Variants in SHISA9 observed in about 807,000 individuals in gnomAD.
SHISA9 encodes the protein protein shisa-9.
In SHISA9, 13 loss-of-function variants were observed where a neutral mutation model predicts 38.0. That is an observed-to-expected ratio of 0.34 (90% CI 0.22 to 0.54). SHISA9 has a LOEUF of 0.54. Ranked by LOEUF, SHISA9 falls within the 20% of genes least tolerant of loss-of-function variation. The pLI, the probability that SHISA9 is intolerant of heterozygous loss-of-function variation, is 0.91. For missense variants in SHISA9, 538 were observed against 575.8 expected (o/e 0.93, Z 0.67); for synonymous variants, 275 against 242.0 (o/e 1.14, Z -1.27).
chr16:13,394,892 C>T, the SHISA9 span, among the ~76,000 whole-genome samples: 1 of 151,928 alleles, frequency 6.6e-6, no homozygotes, highest in African/African-American at 2.4e-5. Flanking sequence ...CTCCCTTCCT[C>T]TGCCACTGTC....
intron 2 of SHISA9, among the ~76,000 whole-genome samples, chr16:13,183,500 T>C (rs1444866182): frequency 1.3e-5 from 2 of 152,262 alleles, no homozygotes; most frequent in East Asian, 1.9e-4. Flanking sequence ...AAAATGCTTT[T>C]TCATGGTTCT....
In SHISA9 at chr16:13,218,378, C is replaced by T. The variant is rs141118142; in HGVS notation, c.895+5078C>T. The stretch of plus-strand genomic sequence containing the variant: ...GACCTAGCTTTTCCTAATCCCCCAC[C>T]CTAGATGCAATCGCAGTTTGCGACA... On this transcript the variant is annotated intron_variant, in intron 4 of 4. Transcript: ENST00000558583. Among the ~76,000 whole-genome samples, 94 of 152,298 alleles carry T rather than the reference C, an allele frequency of 6.2e-4. 1 individual carries two copies. The highest frequency in any genetic ancestry group is 2.1e-3 in the African/African-American group (89 of 41,574).
intron 2 of SHISA9, among the ~76,000 whole-genome samples, chr16:13,073,451 A>G (rs2073542629): frequency 6.6e-6 from 1 of 152,142 alleles, no homozygotes; most frequent in Non-Finnish European, 1.5e-5. Flanking sequence ...TTGATCTCCC[A>G]CGTGGGGTCC....
the SHISA9 span, among the ~76,000 whole-genome samples, chr16:13,493,382 T>C: frequency 6.6e-6 from 1 of 152,180 alleles, no homozygotes; most frequent in South Asian, 2.1e-4. Context: ...AGATGCAGGA[T>C]TGCAATAGCA....
At chr16:13,483,791 G>T in the SHISA9 span, among the ~76,000 whole-genome samples, 2 of 152,148 alleles carry the variant, frequency 1.3e-5, no homozygotes, top group Admixed American at 1.3e-4. Context: ...ACATGTAGAG[G>T]TTTCTGAAGG....
chr16:13,246,784 T>G, the SHISA9 span, among the ~76,000 whole-genome samples: 1 of 152,072 alleles, frequency 6.6e-6, no homozygotes, highest in Non-Finnish European at 1.5e-5. Flanking sequence ...GGTTTATCTG[T>G]TAGAGTAGCT....
chr16:12,985,432 G>C (rs1425735950), intron 2 of SHISA9, among the ~76,000 whole-genome samples: 1 of 152,100 alleles, frequency 6.6e-6, no homozygotes, highest in Non-Finnish European at 1.5e-5. Flanking sequence ...GAAAAGAGAA[G>C]ACTATGACCA....
the SHISA9 span, among the ~76,000 whole-genome samples, chr16:13,296,332 G>T: frequency 3.3e-5 from 5 of 150,948 alleles, no homozygotes; most frequent in East Asian, 7.8e-4. Flanking sequence ...TATTTTTTTA[G>T]CACTTTATGT....
chr16:13,509,151 C>G, the SHISA9 span, among the ~76,000 whole-genome samples: 1 of 152,050 alleles, frequency 6.6e-6, no homozygotes. Flanking sequence ...TTTGCATAAT[C>G]TGTCTTGAAC....
At chr16:13,399,522 G>T in the SHISA9 span, among the ~76,000 whole-genome samples, 2 of 152,228 alleles carry the variant, frequency 1.3e-5, no homozygotes, top group South Asian at 4.1e-4. Flanking sequence ...CTTCTCCTGT[G>T]CTTCAAGACC....
At chr16:13,222,007 G>A (rs1207296825) in intron 4 of SHISA9, among the ~76,000 whole-genome samples, 2 of 152,144 alleles carry the variant, frequency 1.3e-5, no homozygotes, top group Non-Finnish European at 2.9e-5. Flanking sequence ...GGCTGGGGAG[G>A]CCTCACAATC....
At chr16:13,420,009 G>A in the SHISA9 span, among the ~76,000 whole-genome samples, 7 of 152,132 alleles carry the variant, frequency 4.6e-5, no homozygotes, top group African/African-American at 1.7e-4. Context: ...ACTTTGGGAG[G>A]CCAAGGCAGG....
intron 2 of SHISA9, among the ~76,000 whole-genome samples, chr16:13,093,683 T>G (rs1375016064): frequency 6.6e-6 from 1 of 152,122 alleles, no homozygotes; most frequent in Non-Finnish European, 1.5e-5. Context: ...GGCGCCCACA[T>G]GTGCTTTGAG....
rs569440266 is a variant in SHISA9 at position 12,981,154 on chromosome 16, C to T, written c.691+64339C>T. 1.7e-3 allele frequency among the ~76,000 whole-genome samples: 261 copies of T among 152,292 alleles called. 2 individuals are homozygous for T. Among genetic ancestry groups the T allele is most frequent in the Middle Eastern group, 6.8e-3 (2 of 294 alleles). ...GGTACTTTGATGGGCAATGTGGATG[C>T]GCAAAGGCCAGAGCCCCAAGTCAGC... is the stretch of plus-strand genomic sequence containing the variant. On this transcript the variant is annotated intron_variant, in intron 2 of 4. Coordinates refer to ENST00000558583, the MANE Select transcript of SHISA9 (RefSeq NM_001145204.3).
At chr16:13,479,140 G>A in the SHISA9 span, among the ~76,000 whole-genome samples, 1 of 152,094 alleles carries the variant, frequency 6.6e-6, no homozygotes, top group Non-Finnish European at 1.5e-5. Flanking sequence ...TTATGGTCCT[G>A]CACGGCGCCT....
intron 2 of SHISA9, among the ~76,000 whole-genome samples, chr16:12,945,941 C>A (rs1196110910): frequency 6.6e-6 from 1 of 152,180 alleles, no homozygotes; most frequent in Non-Finnish European, 1.5e-5. Flanking sequence ...TGGCGAAACC[C>A]TACTAAAAAT....
chr16:12,951,604 C>G (rs1297565412), intron 2 of SHISA9, among the ~76,000 whole-genome samples: 2 of 152,152 alleles, frequency 1.3e-5, no homozygotes, highest in African/African-American at 4.8e-5. Flanking sequence ...CTGTTAGCAG[C>G]CAGTACTCAT....
the SHISA9 span, among the ~76,000 whole-genome samples, chr16:13,469,946 A>G: frequency 6.6e-6 from 1 of 152,136 alleles, no homozygotes; most frequent in Non-Finnish European, 1.5e-5. Flanking sequence ...TTGGCCACTT[A>G]TTGTCATCTC....
At chr16:13,523,875 G>A in the SHISA9 span, among the ~76,000 whole-genome samples, 2 of 152,278 alleles carry the variant, frequency 1.3e-5, no homozygotes, top group Non-Finnish European at 2.9e-5. Context: ...GATTTCCATG[G>A]CTCTTGGACT....
Sources: gnomAD v4.1 joint callset for allele counts (sites outside exome capture counted in the v4.1 genomes callset) on GRCh38, gnomAD v4.1.1 for gene constraint, MANE v1.5 for transcripts, NCBI Gene and HGNC (gene_info 2026-07-23, HGNC 2026-07-21) for gene names.